Variants in SYNPR observed in about 807,000 individuals in gnomAD.
SYNPR encodes synaptoporin.
Under a neutral mutation model 32.9 loss-of-function variants are expected in SYNPR, and 23 were observed. That is an observed-to-expected ratio of 0.70 (90% confidence interval 0.50 to 0.99). The LOEUF is 0.99. Ranked by LOEUF, SYNPR falls within the 50% of genes least tolerant of loss-of-function variation. The pLI is 0.00. For synonymous variants in SYNPR, 146 were observed against 135.9 expected, an observed-to-expected ratio of 1.07 and a Z score of -0.52; for missense variants, 318 against 349.3, an observed-to-expected ratio of 0.91 and a Z score of 0.71.
At chr3:63,452,355 C>T (rs1187375392) in intron 2 of SYNPR, among the ~76,000 whole-genome samples, 1 of 152,062 alleles carries the variant, frequency 6.6e-6, no homozygotes, top group Non-Finnish European at 1.5e-5. Context: ...AAAGCTAAGC[C>T]ATCTTGGGTA....
At chr3:63,241,894 A>G (rs2086247227) in intron 1 of SYNPR, among the ~76,000 whole-genome samples, 1 of 152,126 alleles carries the variant, frequency 6.6e-6, no homozygotes, top group Non-Finnish European at 1.5e-5. Flanking sequence ...GGATCATGTC[A>G]CAGACTCCTT....
At chr3:63,512,554 A>G (rs9828865) in intron 3 of SYNPR, among the ~76,000 whole-genome samples, 105,123 of 151,802 alleles carry the variant, frequency 0.69, 37,334 homozygotes, top group African/African-American at 0.86. Flanking sequence ...AAAGAGGGAA[A>G]GTAGAAGAGT....
chr3:63,225,338 G>A (rs2086120514), upstream of SYNPR, among the ~76,000 whole-genome samples: 1 of 152,210 alleles, frequency 6.6e-6, no homozygotes, highest in Non-Finnish European at 1.5e-5. Flanking sequence ...GGCACATCAT[G>A]TGATATGACC....
intron 2 of SYNPR, among the ~76,000 whole-genome samples, chr3:63,266,359 T>A (rs1406546865): frequency 6.6e-6 from 1 of 152,044 alleles, no homozygotes; most frequent in Non-Finnish European, 1.5e-5. Flanking sequence ...GTATTTAATA[T>A]TATGGTGCCT....
chr3:63,256,853 C>T (rs147476198), intron 2 of SYNPR, among the ~76,000 whole-genome samples: 1,995 of 152,150 alleles, frequency 0.013, 40 homozygotes, highest in African/African-American at 0.046. Context: ...ACTAGAATAA[C>T]CAATGCAGAG....
At chr3:63,251,312 T>A (rs1220439405) in intron 1 of SYNPR, among the ~76,000 whole-genome samples, 1 of 150,240 alleles carries the variant, frequency 6.7e-6, no homozygotes, top group African/African-American at 2.5e-5. Context: ...AATAAAAAAA[T>A]AATCCTGGTA....
chr3:63,576,378 C>T (rs774598928), intron 4 of SYNPR, among the ~76,000 whole-genome samples: 9 of 152,206 alleles, frequency 5.9e-5, no homozygotes, highest in Non-Finnish European at 1.3e-4. Context: ...CCATTTCCCT[C>T]ACCCAAAGTT....
At chr3:63,220,602 G>A in the SYNPR span, among the ~76,000 whole-genome samples, 6 of 152,260 alleles carry the variant, frequency 3.9e-5, no homozygotes, top group South Asian at 2.1e-4. Context: ...TTCTGGTGCC[G>A]TGAAAGTCAC....
At chr3:63,526,021 C>T (rs1373718205) in intron 3 of SYNPR, among the ~76,000 whole-genome samples, 1 of 152,156 alleles carries the variant, frequency 6.6e-6, no homozygotes, top group Non-Finnish European at 1.5e-5. Context: ...GCTTAGAGAG[C>T]ACATGGCAAG....
intron 2 of SYNPR, among the ~76,000 whole-genome samples, chr3:63,412,802 T>A (rs1367756715): frequency 6.6e-6 from 1 of 152,148 alleles, no homozygotes; most frequent in Admixed American, 6.6e-5. Context: ...TATAAACCTT[T>A]TGAACTTGAA....
chr3:63,337,218 T>G (rs1305108582), intron 2 of SYNPR, among the ~76,000 whole-genome samples: 3 of 109,562 alleles, frequency 2.7e-5, no homozygotes, highest in Non-Finnish European at 5.0e-5. Context: ...GGTGACAGAG[T>G]GAGACTCTGT....
At chr3:63,582,211 G>T (rs1051518540) in intron 4 of SYNPR, among the ~76,000 whole-genome samples, 1 of 152,072 alleles carries the variant, frequency 6.6e-6, no homozygotes, top group East Asian at 1.9e-4. Flanking sequence ...ACTTAACGGG[G>T]GAGCTCTGAA....
intron 5 of SYNPR, among the ~76,000 whole-genome samples, chr3:63,614,133 C>T (rs757585688): frequency 3.3e-5 from 5 of 152,180 alleles, no homozygotes; most frequent in Non-Finnish European, 7.3e-5. Context: ...ACTCCAGGAC[C>T]GTGGCCACTG....
intron 2 of SYNPR, among the ~76,000 whole-genome samples, chr3:63,357,139 G>A (rs2087593469): frequency 6.6e-6 from 1 of 152,154 alleles, no homozygotes; most frequent in African/African-American, 2.4e-5. Context: ...TTGGAGTTGG[G>A]TTTCTCAGCT....
intron 3 of SYNPR, among the ~76,000 whole-genome samples, chr3:63,493,205 A>G (rs568107727): frequency 8.5e-5 from 13 of 152,236 alleles, no homozygotes; most frequent in Admixed American, 3.3e-4. Context: ...CCCATCCCCA[A>G]TAGAATGGCA....
chr3:63,278,322 C>T lies in SYNPR; in HGVS notation c.-212C>T, dbSNP rs976908557. ...CTTCCCTGCCCACCCCTCGCTGACT[C>T]GCTTCGCTTCCCCGACGCGCTGGGT... is the stretch of plus-strand genomic sequence containing the variant. On this transcript the variant is annotated 5_prime_UTR_variant, in exon 1 of 6. Transcript: ENST00000478300. 5 of 607,586 alleles carry T rather than the reference C, an allele frequency of 8.2e-6. No individual in the cohort carries two copies. Among genetic ancestry groups the T allele is most frequent in the Non-Finnish European group, 1.4e-5 (5 of 345,312 alleles). 37.6% of individuals were successfully genotyped at this position (607,586 alleles called of 1,614,324 possible).
intron 2 of SYNPR, among the ~76,000 whole-genome samples, chr3:63,460,961 A>G (rs1173394143): frequency 6.6e-6 from 1 of 152,102 alleles, no homozygotes; most frequent in Non-Finnish European, 1.5e-5. Flanking sequence ...TATAATCAAT[A>G]TTATGAATGT....
intron 2 of SYNPR, among the ~76,000 whole-genome samples, chr3:63,315,265 T>G (rs939470050): frequency 3.3e-5 from 5 of 152,138 alleles, no homozygotes; most frequent in African/African-American, 1.2e-4. Flanking sequence ...TTTCTAATTC[T>G]GTGAAGAATG....
intron 3 of SYNPR, among the ~76,000 whole-genome samples, chr3:63,521,524 A>G (rs540920824): frequency 3.9e-5 from 6 of 152,126 alleles, no homozygotes; most frequent in African/African-American, 1.4e-4. Flanking sequence ...TATTATCTCT[A>G]TTTTACAGAT....
Sources: gnomAD v4.1 joint callset for allele counts (sites outside exome capture counted in the v4.1 genomes callset) on GRCh38, gnomAD v4.1.1 for gene constraint, MANE v1.5 for transcripts, NCBI Gene and HGNC (gene_info 2026-07-23, HGNC 2026-07-21) for gene names.